NXPH1: variants seen among roughly 807,000 people sequenced by gnomAD.
The protein encoded by NXPH1 is neurexophilin-1.
A neutral mutation model predicts 23.7 loss-of-function variants in NXPH1; 5 were observed. That is an observed-to-expected ratio of 0.21 (90% confidence interval 0.11 to 0.44). The LOEUF (loss-of-function observed/expected upper bound fraction) is 0.44. Ranked by LOEUF, NXPH1 falls within the 20% of genes least tolerant of loss-of-function variation. The pLI is 0.99. For missense variants in NXPH1, 324 were observed against 321.6 expected (o/e 1.01, Z -0.06); for synonymous variants, 144 against 122.2 (o/e 1.18, Z -1.18).
chr7:8,548,033 C>G (rs1446590014), intron 2 of NXPH1, among the ~76,000 whole-genome samples: 1 of 151,432 alleles, frequency 6.6e-6, no homozygotes, highest in Admixed American at 6.6e-5. Context: ...AATAATAGTT[C>G]TATTTTTAGT....
chr7:8,714,137 A>T (rs982098299), intron 2 of NXPH1, among the ~76,000 whole-genome samples: 8 of 152,210 alleles, frequency 5.3e-5, no homozygotes, highest in Non-Finnish European at 1.2e-4. Flanking sequence ...CTGAGCTGGT[A>T]CTGAAACCAC....
In NXPH1 at chr7:8,751,178, A is replaced by T; in HGVS notation, c.225A>T (p.Arg75Ser). 1 of 1,613,836 alleles carries T rather than the reference A, an allele frequency of 6.2e-7. No individual in the cohort carries two copies. Among genetic ancestry groups the T allele is most frequent in the Admixed American group, 1.7e-5 (1 of 59,922 alleles). ...AGAATGATACAGATTTGGACCTGAG[A>T]TATGACACCCCAGAACCTTATTCTG... ...GKENDTDLDL[R>S]YDTPEPYSEQ... The change falls in exon 3 of 3, where the codon AGA becomes AGT. Residue 75 changes from arginine (R) to serine (S), a missense_variant. Arg to Ser is a moderately radical substitution (Grantham distance 110, BLOSUM62 -1). Transcript: ENST00000405863. This position sits in a 1 kb window ranked among gnomAD's most constrained non-coding sequence, Gnocchi z 4.5.
chr7:8,633,838 C>A (rs1260712934), intron 2 of NXPH1, among the ~76,000 whole-genome samples: 3 of 152,094 alleles, frequency 2.0e-5, no homozygotes, highest in African/African-American at 7.2e-5. Flanking sequence ...AAGGAAGGTT[C>A]TTGTCAGTTG....
At position 8,736,409 on chromosome 7, in the gene NXPH1, G is replaced by T. The variant is rs535658734; in HGVS notation, c.55-14599G>T. On this transcript the variant is annotated intron_variant, in intron 2 of 2. Transcript: ENST00000405863. Reference sequence around the variant, plus strand: ...GTACCCAGTAGTCATTCAGGAGCAGGTTGCTCAGTTTCCAGGTAGTTGTGC... The same window carrying T: ...GTACCCAGTAGTCATTCAGGAGCAGTTTGCTCAGTTTCCAGGTAGTTGTGC... Among the ~76,000 whole-genome samples, 145 of 152,306 alleles carry T rather than the reference G, an allele frequency of 9.5e-4. 1 individual carries two copies. The highest frequency in any genetic ancestry group is 1.4e-3 in the Non-Finnish European group (97 of 68,028).
At chr7:8,575,084 G>A (rs1049474520) in intron 2 of NXPH1, among the ~76,000 whole-genome samples, 14 of 152,102 alleles carry the variant, frequency 9.2e-5, no homozygotes, top group African/African-American at 3.1e-4. Context: ...CATTAATGCT[G>A]TATCCTTTAA....
rs576949607 is a variant in NXPH1 at position 8,651,388 on chromosome 7, T to G, written c.55-99620T>G. On this transcript the variant is annotated intron_variant, in intron 2 of 2. Transcript: ENST00000405863. The stretch of plus-strand genomic sequence containing the variant: ...GTCTATCATTGTTGGACATTTGGGT[T>G]GGTTCCAAGTCTTTGCTATTGTGAA... 3.0e-3 allele frequency among the ~76,000 whole-genome samples: 323 copies of G among 108,236 alleles called. 2 individuals carry two copies. Among genetic ancestry groups the G allele is most frequent in the African/African-American group, 9.5e-3 (304 of 32,046 alleles). The allele number at this position is 108,236 out of a possible 152,430, so 71.0% of individuals were successfully genotyped here.
chr7:8,583,715 G>A (rs777098965), intron 2 of NXPH1, among the ~76,000 whole-genome samples: 15 of 152,106 alleles, frequency 9.9e-5, no homozygotes, highest in Non-Finnish European at 2.1e-4. Context: ...CAGCAACAGT[G>A]GTTCACAGAC....
intron 2 of NXPH1, among the ~76,000 whole-genome samples, chr7:8,577,569 A>G (rs1029808065): frequency 6.6e-6 from 1 of 152,136 alleles, no homozygotes; most frequent in Non-Finnish European, 1.5e-5. Context: ...TTCCCTTCAA[A>G]CATTTATTAT....
intron 2 of NXPH1, among the ~76,000 whole-genome samples, chr7:8,462,114 T>G (rs2128606987): frequency 6.6e-6 from 1 of 152,242 alleles, no homozygotes; most frequent in South Asian, 2.1e-4. Context: ...AGTGGCGTGA[T>G]CTCGGCTCAC....
At chr7:8,620,777 A>T (rs1031902485) in intron 2 of NXPH1, among the ~76,000 whole-genome samples, 1 of 152,198 alleles carries the variant, frequency 6.6e-6, no homozygotes, top group African/African-American at 2.4e-5. Context: ...AATCATCTGT[A>T]TTCTTTCATA....
intron 2 of NXPH1, among the ~76,000 whole-genome samples, chr7:8,515,277 A>G (rs1459943760): frequency 1.3e-5 from 2 of 152,148 alleles, no homozygotes; most frequent in East Asian, 1.9e-4. Flanking sequence ...ACAGTTCTGC[A>G]GCATGTCCAC....
chr7:8,544,004 CATACAGTTA>C (rs1303246724), intron 2 of NXPH1, among the ~76,000 whole-genome samples: 1 of 151,496 alleles, frequency 6.6e-6, no homozygotes, highest in Non-Finnish European at 1.5e-5. Flanking sequence ...TAACCGAGTT[CATACAGTTA>C]ATTAGAAAGA....
intron 2 of NXPH1, among the ~76,000 whole-genome samples, chr7:8,501,620 T>C (rs1817436501): frequency 6.6e-6 from 1 of 152,096 alleles, no homozygotes; most frequent in South Asian, 2.1e-4. Flanking sequence ...ACTTACATTC[T>C]ACCATTTTAC....
Position 8,450,110 on chromosome 7 carries a change from T to C in NXPH1, c.54+14343T>C, listed in dbSNP as rs142913544. On this transcript the variant is annotated intron_variant, in intron 2 of 2. Transcript: ENST00000405863. Reference sequence around the variant, plus strand: ...CTGTAGTAGATTTAAAAATGATACATAACATCTGTATCTCTTCTAACAAAT... The same window carrying C: ...CTGTAGTAGATTTAAAAATGATACACAACATCTGTATCTCTTCTAACAAAT... Among the ~76,000 whole-genome samples the C allele has an allele frequency of 7.0e-3, 1,068 of 152,312 alleles. 10 individuals are homozygous for C. The highest frequency in any genetic ancestry group is 0.013 in the South Asian group (62 of 4,830).
intron 2 of NXPH1, among the ~76,000 whole-genome samples, chr7:8,669,484 A>G (rs1367207313): frequency 6.6e-6 from 1 of 152,162 alleles, no homozygotes; most frequent in Non-Finnish European, 1.5e-5. Context: ...TAGGAACTCA[A>G]CTGGTTTTGG....
At chr7:8,702,390 C>T (rs1397683054) in intron 2 of NXPH1, among the ~76,000 whole-genome samples, 3 of 152,024 alleles carry the variant, frequency 2.0e-5, no homozygotes, top group Admixed American at 6.6e-5. Flanking sequence ...TATTCAAACC[C>T]GATATTTATT....
intron 2 of NXPH1, among the ~76,000 whole-genome samples, chr7:8,530,632 G>A (rs534387491): frequency 8.5e-5 from 13 of 152,314 alleles, no homozygotes; most frequent in Admixed American, 8.5e-4. Flanking sequence ...GTGAAAACTT[G>A]CCTGGAGGGG....
intron 2 of NXPH1, among the ~76,000 whole-genome samples, chr7:8,732,071 A>T (rs1185252129): frequency 1.3e-5 from 2 of 152,224 alleles, no homozygotes; most frequent in African/African-American, 4.8e-5. Flanking sequence ...CCGTCGGAAA[A>T]GCGCAATATT....
At chr7:8,738,552 T>G (rs1374687263) in intron 2 of NXPH1, among the ~76,000 whole-genome samples, 1 of 152,142 alleles carries the variant, frequency 6.6e-6, no homozygotes, top group African/African-American at 2.4e-5. Flanking sequence ...ATATGAGGTG[T>G]CTGTCGACCC....
Sources: gnomAD v4.1 joint callset for allele counts (sites outside exome capture counted in the v4.1 genomes callset) on GRCh38, gnomAD v4.1.1 for gene constraint, Gnocchi (gnomAD v3.1) non-coding constraint, MANE v1.5 for transcripts, NCBI Gene and HGNC (gene_info 2026-07-23, HGNC 2026-07-21) for gene names.